The following RUNX1 variants were observed in gnomAD, a reference collection of about 807,000 sequenced individuals.
RUNX1 encodes RUNX family transcription factor 1, also known as runt-related transcription factor 1.
In RUNX1, 19 loss-of-function variants were observed where a neutral mutation model predicts 42.8. The ratio of observed to expected loss-of-function variants is 0.44; its 90% CI spans 0.31 to 0.65. The LOEUF (loss-of-function observed/expected upper bound fraction) is 0.65, where lower values mean the gene tolerates loss of function less well. Among genes scored for constraint, RUNX1 ranks in the 30% least tolerant of loss-of-function variants. The probability of loss-of-function intolerance (pLI) is 0.07; values close to 1 mark genes in which losing one functional copy is unlikely to be tolerated. For synonymous variants in RUNX1, 271 were observed against 289.4 expected, an observed-to-expected ratio of 0.94 and a Z score of 0.64; for missense variants, 528 against 672.0, an observed-to-expected ratio of 0.79 and a Z score of 2.37.
chr21:34,939,628 A>C (rs1310161163), intron 2 of RUNX1, among the ~76,000 whole-genome samples: 3 of 152,166 alleles, frequency 2.0e-5, no homozygotes, highest in Non-Finnish European at 4.4e-5. Flanking sequence ...CATAAGCACC[A>C]AAAATCCCCC....
chr21:34,803,879 C>T (rs1468503738), intron 7 of RUNX1, among the ~76,000 whole-genome samples: 1 of 152,192 alleles, frequency 6.6e-6, no homozygotes, highest in African/African-American at 2.4e-5. Flanking sequence ...TAAAATGTCT[C>T]TAGAGTCAAC....
At position 34,871,609 on chromosome 21, in the gene RUNX1, G is replaced by A. The variant is rs561398471; in HGVS notation, c.508+8948C>T. Among the ~76,000 whole-genome samples, 17 of 152,196 alleles carry A rather than the reference G, an allele frequency of 1.1e-4. No individual in the cohort carries two copies. The South Asian group carries it at 1.2e-3, about 11-fold the overall frequency. On this transcript the variant is annotated intron_variant, in intron 5 of 8. Transcript: ENST00000675419. ...TGCCCTGAATCTCAGTGTAAAAACCGGTGATGGCAAAACTGACATGCTGGG... is the reference window on the plus strand; with the variant it reads ...TGCCCTGAATCTCAGTGTAAAAACCAGTGATGGCAAAACTGACATGCTGGG...
At chr21:34,894,452 G>C (rs1445779844) in intron 2 of RUNX1, among the ~76,000 whole-genome samples, 1 of 152,108 alleles carries the variant, frequency 6.6e-6, no homozygotes, top group African/African-American at 2.4e-5. Flanking sequence ...TTGTGTATCA[G>C]CAGCCTTGAG....
intron 2 of RUNX1, among the ~76,000 whole-genome samples, chr21:34,984,593 C>T (rs1032802181): frequency 6.6e-6 from 1 of 152,148 alleles, no homozygotes; most frequent in South Asian, 2.1e-4. Context: ...GCAGAAATAG[C>T]AGAATCAAAA....
At chr21:34,853,254 G>A (rs544247731) in intron 6 of RUNX1, among the ~76,000 whole-genome samples, 46 of 152,174 alleles carry the variant, frequency 3.0e-4, no homozygotes, top group African/African-American at 1.1e-3. Context: ...ACTCTGGGGA[G>A]GTGTGGGAGG....
chr21:34,858,099 G>T (rs2057520945), intron 6 of RUNX1, among the ~76,000 whole-genome samples: 1 of 152,208 alleles, frequency 6.6e-6, no homozygotes, highest in African/African-American at 2.4e-5. Context: ...GCCTGCCCCT[G>T]GTGGGCATGG....
intron 6 of RUNX1, among the ~76,000 whole-genome samples, chr21:34,849,264 ATATAATAT>A (rs2057360008): frequency 1.7e-5 from 1 of 59,068 alleles, no homozygotes. Context: ...ATATATATAT[ATATAATAT>A]ATATATAATA....
chr21:34,816,385 C>T (rs1368137502), intron 7 of RUNX1, among the ~76,000 whole-genome samples: 4 of 149,722 alleles, frequency 2.7e-5, no homozygotes, highest in Non-Finnish European at 5.9e-5. Flanking sequence ...GAGTGTGTAG[C>T]GGGTGGGGGC....
At chr21:34,965,562 C>A (rs983708856) in intron 2 of RUNX1, among the ~76,000 whole-genome samples, 1 of 152,128 alleles carries the variant, frequency 6.6e-6, no homozygotes, top group South Asian at 2.1e-4. Flanking sequence ...CCATTCATGG[C>A]AAAAAAATAA....
chr21:34,889,994 G>A (rs13048584), intron 3 of RUNX1, among the ~76,000 whole-genome samples: 23,473 of 152,062 alleles, frequency 0.15, 2,790 homozygotes, highest in African/African-American at 0.33. Context: ...CCCGGCGCGG[G>A]GGTCCCTCGC....
In RUNX1 at chr21:34,804,360, G is replaced by C. The variant is rs2056650008; in HGVS notation, c.806-4898C>G. 3.3e-5 allele frequency among the ~76,000 whole-genome samples: 5 copies of C among 152,258 alleles called. No individual in the cohort carries two copies. In the South Asian group the frequency reaches 1.0e-3, roughly 32 times the overall value. On this transcript the variant is annotated intron_variant, in intron 7 of 8. Transcript: ENST00000675419. ...AAAGAGCTTCAACATACTGACTAAG[G>C]AGGAGTTCATAGAGAAGCTCACAGA...
rs3833348 is a variant in RUNX1 at position 34,887,242 on chromosome 21, T to TGGGGGG, written c.98-152_98-147dup. The TGGGGGG allele has an allele frequency of 1.6e-4, 48 of 299,314 alleles. 6 individuals are homozygous for TGGGGGG. Among genetic ancestry groups the TGGGGGG allele is most frequent in the South Asian group, 1.5e-3 (11 of 7,272 alleles). The allele number at this position is 299,314 out of a possible 1,614,324, so 18.5% of individuals were successfully genotyped here. ...CAGGGGCCTTTATTACTGCGGGGGGTGGGGGGGGGCGGGGGTGGTTAGGGG... is the reference window on the plus strand; with the variant it reads ...CAGGGGCCTTTATTACTGCGGGGGGTGGGGGGGGGGGGGGGCGGGGGTGGTTAGGGG... On this transcript the variant is annotated intron_variant, in intron 3 of 8. Coordinates refer to ENST00000675419, the MANE Select transcript of RUNX1 (RefSeq NM_001754.5).
intron 6 of RUNX1, among the ~76,000 whole-genome samples, chr21:34,851,728 A>G (rs759398364): frequency 2.0e-5 from 3 of 152,376 alleles, no homozygotes; most frequent in Middle Eastern, 3.4e-3. Flanking sequence ...GAGAAATTCA[A>G]TGTAATGGTG....
intron 7 of RUNX1, among the ~76,000 whole-genome samples, chr21:34,817,681 T>C (rs1187239458): frequency 1.3e-5 from 2 of 152,200 alleles, no homozygotes; most frequent in African/African-American, 4.8e-5. Context: ...CTCCTTACTG[T>C]TGGCTCTCGC....
At chr21:34,859,100 C>T (rs951714669) in intron 6 of RUNX1, among the ~76,000 whole-genome samples, 22 of 152,332 alleles carry the variant, frequency 1.4e-4, no homozygotes, top group African/African-American at 5.3e-4. Flanking sequence ...CACTCTGACC[C>T]TCAGACCTCT....
chr21:35,028,569 C>T (rs1477308819), intron 2 of RUNX1, among the ~76,000 whole-genome samples: 2 of 152,202 alleles, frequency 1.3e-5, no homozygotes, highest in African/African-American at 4.8e-5. Flanking sequence ...CAAGCAGTTA[C>T]TTTCCTGGTC....
chr21:34,834,020 T>G, intron 7 of RUNX1: 1 of 238,038 alleles, frequency 4.2e-6, no homozygotes, highest in Admixed American at 4.9e-5. Context: ...TTGCTTGACG[T>G]GTGTGTGTGT....
intron 7 of RUNX1, chr21:34,830,050 A>G (rs373001520): frequency 2.0e-5 from 3 of 152,322 alleles, no homozygotes; most frequent in South Asian, 4.2e-4. Flanking sequence ...AGTAACTTTA[A>G]TTTTGGGGGA....
At chr21:34,846,788 T>C (rs1414026896) in intron 6 of RUNX1, among the ~76,000 whole-genome samples, 1 of 152,198 alleles carries the variant, frequency 6.6e-6, no homozygotes, top group African/African-American at 2.4e-5. Flanking sequence ...CAGCTACCTA[T>C]TTATTTTGAG....
Sources: allele counts gnomAD v4.1 joint callset (sites outside exome capture counted in the v4.1 genomes callset), GRCh38; gene constraint gnomAD v4.1.1; transcripts MANE v1.5; gene names NCBI Gene and HGNC (gene_info 2026-07-23, HGNC 2026-07-21).